Variants in MMP26 observed in about 807,000 individuals in gnomAD.
MMP26 encodes matrix metalloproteinase-26.
A neutral mutation model predicts 31.0 loss-of-function variants in MMP26; 33 were observed. The observed-to-expected ratio is 1.06, with a 90% CI of 0.81 to 1.42. MMP26 has a LOEUF of 1.42. Ranked by LOEUF, MMP26 falls within the 40% of genes most tolerant of loss-of-function variation. The pLI is 0.00. For synonymous variants in MMP26, 122 were observed against 114.9 expected, an observed-to-expected ratio of 1.06 and a Z score of -0.40; for missense variants, 347 against 316.1, an observed-to-expected ratio of 1.10 and a Z score of -0.74.
intron 2 of MMP26, among the ~76,000 whole-genome samples, chr11:4,786,523 T>A (rs924975205): frequency 5.0e-5 from 4 of 80,118 alleles, no homozygotes; most frequent in African/African-American, 1.1e-4. Flanking sequence ...TTTTTTTTTT[T>A]ACCAAAACTG....
intron 2 of MMP26, among the ~76,000 whole-genome samples, chr11:4,816,097 G>C (rs1013762483): frequency 4.6e-5 from 7 of 152,062 alleles, no homozygotes; most frequent in African/African-American, 1.7e-4. Context: ...TAAATAAATT[G>C]TTTAATTTCT....
At chr11:4,855,533 A>T (rs1379524955) in intron 2 of MMP26, among the ~76,000 whole-genome samples, 1 of 152,182 alleles carries the variant, frequency 6.6e-6, no homozygotes, top group African/African-American at 2.4e-5. Flanking sequence ...AAAAGAGTAA[A>T]AAGAAAAGAA....
At chr11:4,983,957 T>C (rs540687012) in intron 2 of MMP26, among the ~76,000 whole-genome samples, 2 of 152,342 alleles carry the variant, frequency 1.3e-5, no homozygotes, top group South Asian at 4.1e-4. Context: ...TTTCAACACA[T>C]TACTTCCCTT....
Position 4,971,439 on chromosome 11 carries a change from T to G in MMP26, c.-144-16629T>G, listed in dbSNP as rs554190593. On this transcript the variant is annotated intron_variant, in intron 2 of 7. Coordinates refer to ENST00000380390, the MANE Select transcript of MMP26 (RefSeq NM_021801.5). ...CTCAAACATTAAAGAAAAAATTACT[T>G]ATGATGCTTAAAGAACAGTAAGAAA... Among the ~76,000 whole-genome samples the G allele has an allele frequency of 1.1e-4, 16 of 152,278 alleles. No homozygotes were observed. In the South Asian group the frequency reaches 3.1e-3, roughly 30 times the overall value.
chr11:4,768,246 C>G (rs145906873), intron 2 of MMP26, among the ~76,000 whole-genome samples: 34 of 152,296 alleles, frequency 2.2e-4, no homozygotes, highest in Non-Finnish European at 4.4e-4. Flanking sequence ...AGTTCCCATT[C>G]CCTGTGATAA....
intron 2 of MMP26, among the ~76,000 whole-genome samples, chr11:4,981,168 AT>A (rs908524430): frequency 6.6e-6 from 1 of 152,038 alleles, no homozygotes; most frequent in Non-Finnish European, 1.5e-5. Flanking sequence ...CTTTTCTCAC[AT>A]TTTTGTACTG....
chr11:4,863,567 C>G (rs991976515), intron 2 of MMP26: 2 of 152,160 alleles, frequency 1.3e-5, no homozygotes, highest in African/African-American at 4.8e-5. Context: ...TTACACATAG[C>G]TTGCTATACA....
chr11:4,716,650 C>CTTTTTTTTTTTTTTTT lies in MMP26; in HGVS notation c.-217+11618_-217+11633dup, dbSNP rs71050424. 7.7e-5 allele frequency among the ~76,000 whole-genome samples: 5 copies of CTTTTTTTTTTTTTTTT among 65,042 alleles called. 2 individuals are homozygous for CTTTTTTTTTTTTTTTT. The highest frequency in any genetic ancestry group is 1.4e-4 in the African/African-American group (2 of 14,748). The allele number at this position is 65,042 out of a possible 152,430, so 42.7% of individuals were successfully genotyped here. On this transcript the variant is annotated intron_variant, in intron 1 of 7. Transcript: ENST00000380390. ...ATTCCATACTTGATCTCTCTTACCT[C>CTTTTTTTTTTTTTTTT]TTTTTTTTTTTTTTTTTTTTTTTTT...
chr11:4,722,476 T>C (rs1281919395), intron 1 of MMP26, among the ~76,000 whole-genome samples: 3 of 139,396 alleles, frequency 2.2e-5, no homozygotes, highest in Non-Finnish European at 3.0e-5. Flanking sequence ...ATTACTTTTT[T>C]TTTTTTTTTT....
Position 4,839,292 on chromosome 11 carries a change from C to G in MMP26, c.-145+71951C>G, listed in dbSNP as rs574446723. Reference sequence around the variant, plus strand: ...AAGGACTGCAACTCTCAAACGAGTCCTGTTGCTGAACTGGTCCAGAGACAG... The same window carrying G: ...AAGGACTGCAACTCTCAAACGAGTCGTGTTGCTGAACTGGTCCAGAGACAG... On this transcript the variant is annotated intron_variant, in intron 2 of 7. Coordinates refer to ENST00000380390, the MANE Select transcript of MMP26 (RefSeq NM_021801.5). Among the ~76,000 whole-genome samples the G allele has an allele frequency of 3.9e-5, 6 of 151,926 alleles. No homozygotes were observed. The South Asian group carries it at 1.3e-3, about 32-fold the overall frequency.
chr11:4,891,157 C>T (rs908735428), intron 2 of MMP26, among the ~76,000 whole-genome samples: 1 of 151,990 alleles, frequency 6.6e-6, no homozygotes, highest in African/African-American at 2.4e-5. Context: ...GCTGTTCTCC[C>T]ATTGCTATAA....
At chr11:4,943,725 A>G in intron 2 of MMP26, 1 of 354,812 alleles carries the variant, frequency 2.8e-6, no homozygotes, top group South Asian at 2.2e-5. Context: ...CAGAGTTGAG[A>G]TTTTAATCCT....
At chr11:4,986,511 A>ATTTT (rs58016783) in intron 2 of MMP26, among the ~76,000 whole-genome samples, 2 of 31,636 alleles carry the variant, frequency 6.3e-5, no homozygotes, top group Non-Finnish European at 1.1e-4. Flanking sequence ...TGCCCAGTCG[A>ATTTT]TTTTTTTTTT....
intron 2 of MMP26, among the ~76,000 whole-genome samples, chr11:4,781,553 C>CAAAAAAAA (rs780005906): frequency 2.0e-4 from 3 of 15,192 alleles, no homozygotes; most frequent in Admixed American, 9.4e-4. Context: ...GACTCCGTCT[C>CAAAAAAAA]AAAAAAAAAA....
At chr11:4,857,968 C>CT (rs1330982640) in intron 2 of MMP26, among the ~76,000 whole-genome samples, 1 of 152,106 alleles carries the variant, frequency 6.6e-6, no homozygotes. Flanking sequence ...GAACCAAAGA[C>CT]AAAAACCACA....
chr11:4,789,560 G>C (rs1237011622), intron 2 of MMP26, among the ~76,000 whole-genome samples: 1 of 4,494 alleles, frequency 2.2e-4, no homozygotes, highest in Non-Finnish European at 1.2e-3. Flanking sequence ...TTTTTTTTTT[G>C]AGATGGAGTC....
intron 2 of MMP26, among the ~76,000 whole-genome samples, chr11:4,833,643 A>C (rs1047326429): frequency 6.6e-6 from 1 of 152,196 alleles, no homozygotes; most frequent in African/African-American, 2.4e-5. Context: ...GTTGAGCTGA[A>C]ATGTGCATTT....
chr11:4,932,521 T>G (rs1851364843), intron 2 of MMP26, among the ~76,000 whole-genome samples: 1 of 152,138 alleles, frequency 6.6e-6, no homozygotes, highest in Admixed American at 6.6e-5. Context: ...GGCGCTTAGC[T>G]AAACTCAGCA....
At chr11:4,848,512 G>T (rs763610189) in intron 2 of MMP26, 7 of 1,613,530 alleles carry the variant, frequency 4.3e-6, no homozygotes, top group Non-Finnish European at 5.9e-6. Context: ...TCCACACCTT[G>T]CAACACCTTG....
Sources: gnomAD v4.1 joint callset for allele counts (sites outside exome capture counted in the v4.1 genomes callset) on GRCh38, gnomAD v4.1.1 for gene constraint, MANE v1.5 for transcripts, NCBI Gene and HGNC (gene_info 2026-07-23, HGNC 2026-07-21) for gene names.